The following AFG2A variants were observed in gnomAD, a reference collection of about 807,000 sequenced individuals.
AFG2A encodes ATPase family gene 2 protein homolog A.
chr4:123,230,354 G>T, the AFG2A span, among the ~76,000 whole-genome samples: 2 of 151,856 alleles, frequency 1.3e-5, no homozygotes, highest in Non-Finnish European at 2.9e-5. Context: ...AGATTTCATC[G>T]CAAGAAACCA....
chr4:123,080,478 A>G, the AFG2A span, among the ~76,000 whole-genome samples: 1 of 152,138 alleles, frequency 6.6e-6, no homozygotes, highest in African/African-American at 2.4e-5. Flanking sequence ...CCATCTGACT[A>G]CTGCACACCC....
chr4:123,117,746 TCATA>T, the AFG2A span, among the ~76,000 whole-genome samples: 12 of 151,804 alleles, frequency 7.9e-5, no homozygotes, highest in Admixed American at 3.9e-4. Context: ...GAGTCACAAA[TCATA>T]GCAAGTCACT....
chr4:123,239,113 G>C, the AFG2A span, among the ~76,000 whole-genome samples: 1 of 152,268 alleles, frequency 6.6e-6, no homozygotes, highest in South Asian at 2.1e-4. Context: ...TGAAAGAAAT[G>C]AAGCGAGAAG....
the AFG2A span, among the ~76,000 whole-genome samples, chr4:123,296,969 C>T: frequency 1.3e-5 from 2 of 152,100 alleles, no homozygotes; most frequent in Non-Finnish European, 2.9e-5. Context: ...TGCTGTGTAC[C>T]TCATTCTTCC....
the AFG2A span, among the ~76,000 whole-genome samples, chr4:123,129,677 G>T: frequency 4.0e-5 from 6 of 151,844 alleles, no homozygotes; most frequent in Non-Finnish European, 7.4e-5. Flanking sequence ...ATTCTGGTCT[G>T]CCTAGCCACA....
At chr4:123,279,597 A>G in the AFG2A span, among the ~76,000 whole-genome samples, 1 of 152,208 alleles carries the variant, frequency 6.6e-6, no homozygotes, top group East Asian at 1.9e-4. Context: ...AGTTATAATA[A>G]TAGTACTTTC....
chr4:123,228,149 C>T, the AFG2A span, among the ~76,000 whole-genome samples: 1 of 152,108 alleles, frequency 6.6e-6, no homozygotes, highest in East Asian at 1.9e-4. Context: ...ATACAGCACA[C>T]TGATGGGTCT....
the AFG2A span, among the ~76,000 whole-genome samples, chr4:123,140,668 T>G: frequency 1.3e-5 from 2 of 152,126 alleles, no homozygotes; most frequent in African/African-American, 2.4e-5. Flanking sequence ...GCTCTATGTG[T>G]ATTCCCATTT....
At chr4:123,108,780 A>C in the AFG2A span, among the ~76,000 whole-genome samples, 1 of 152,222 alleles carries the variant, frequency 6.6e-6, no homozygotes. Context: ...GAAGGTGAGC[A>C]AAATTATATT....
the AFG2A span, among the ~76,000 whole-genome samples, chr4:123,058,399 C>T: frequency 3.3e-5 from 5 of 152,036 alleles, no homozygotes; most frequent in South Asian, 4.1e-4. Context: ...CCGAGGTGGG[C>T]GAATCATTTG....
the AFG2A span, among the ~76,000 whole-genome samples, chr4:122,939,075 CTTTTTTTT>C: frequency 9.8e-6 from 1 of 102,190 alleles, no homozygotes. Flanking sequence ...TATGTTCTTT[CTTTTTTTT>C]TTTTTTTTTT....
chr4:122,969,598 G>A, the AFG2A span, among the ~76,000 whole-genome samples: 18 of 152,112 alleles, frequency 1.2e-4, no homozygotes, highest in African/African-American at 2.6e-4. Flanking sequence ...TCAATGTGTC[G>A]GGTTCTTCCT....
chr4:123,225,641 G>C, the AFG2A span, among the ~76,000 whole-genome samples: 1 of 152,184 alleles, frequency 6.6e-6, no homozygotes, highest in Admixed American at 6.5e-5. Flanking sequence ...AAGTCAGGTA[G>C]CATGATGCCT....
At chr4:123,093,272 C>T in the AFG2A span, among the ~76,000 whole-genome samples, 1 of 152,124 alleles carries the variant, frequency 6.6e-6, no homozygotes, top group African/African-American at 2.4e-5. Context: ...AAGGTGTGGG[C>T]TTTTGGCAAC....
At chr4:122,951,528 G>A in the AFG2A span, among the ~76,000 whole-genome samples, 5 of 151,928 alleles carry the variant, frequency 3.3e-5, no homozygotes, top group African/African-American at 1.2e-4. Context: ...TTGATATATC[G>A]TGCTGTGGAA....
chr4:123,171,111 TA>T, the AFG2A span, among the ~76,000 whole-genome samples: 4 of 152,200 alleles, frequency 2.6e-5, no homozygotes, highest in African/African-American at 7.2e-5. Flanking sequence ...TGTGTGACCC[TA>T]AAAATGTTAC....
the AFG2A span, among the ~76,000 whole-genome samples, chr4:123,053,229 C>T: frequency 6.6e-6 from 1 of 152,222 alleles, no homozygotes; most frequent in Admixed American, 6.5e-5. Context: ...CACAGAGACT[C>T]TCTGAGCCCA....
the AFG2A span, among the ~76,000 whole-genome samples, chr4:123,010,096 T>C: frequency 2.0e-5 from 3 of 152,192 alleles, no homozygotes; most frequent in African/African-American, 7.2e-5. Context: ...TTTTACTAGA[T>C]TAGAATCTGG....
the AFG2A span, among the ~76,000 whole-genome samples, chr4:122,984,618 A>G: frequency 1.3e-5 from 2 of 152,184 alleles, no homozygotes; most frequent in African/African-American, 4.8e-5. Flanking sequence ...ACATTAAGGT[A>G]TGTCCCATGT....
Sources: allele counts gnomAD v4.1 joint callset (sites outside exome capture counted in the v4.1 genomes callset), GRCh38; gene constraint gnomAD v4.1.1; transcripts MANE v1.5; gene names NCBI Gene and HGNC (gene_info 2026-07-23, HGNC 2026-07-21).